CDC16: variants seen among roughly 807,000 people sequenced by gnomAD.
CDC16 encodes the protein cell division cycle protein 16 homolog.
Under a neutral mutation model 87.0 loss-of-function variants are expected in CDC16, and 34 were observed. That is an observed-to-expected ratio of 0.39 (90% CI 0.30 to 0.52). CDC16 has a LOEUF of 0.52. CDC16 is among the 20% of genes least tolerant of loss of function. The pLI is 0.74. For missense variants in CDC16, 653 were observed against 751.9 expected, an observed-to-expected ratio of 0.87 and a Z score of 1.54; for synonymous variants, 263 against 260.6, an observed-to-expected ratio of 1.01 and a Z score of -0.09.
chr13:114,251,593 C>T (rs1239850605), intron 12 of CDC16, among the ~76,000 whole-genome samples: 1 of 152,120 alleles, frequency 6.6e-6, no homozygotes, highest in Admixed American at 6.6e-5. Flanking sequence ...AAATTAGTAC[C>T]CACCTCAGTC....
At chr13:114,259,285 T>C in intron 13 of CDC16, 50 bp from the exon 14 acceptor site, 3 of 1,390,104 alleles carry the variant, frequency 2.2e-6, no homozygotes, top group Non-Finnish European at 2.9e-6. Context: ...TTTTAAAGTT[T>C]ATATTTGCTA....
At chr13:114,257,797 G>T (rs1283305515) in intron 13 of CDC16, among the ~76,000 whole-genome samples, 2 of 151,778 alleles carry the variant, frequency 1.3e-5, no homozygotes, top group Non-Finnish European at 2.9e-5. Context: ...TTTTGTTTTT[G>T]TTTTTTTGAG....
intron 5 of CDC16, among the ~76,000 whole-genome samples, chr13:114,241,113 A>G (rs747870197): frequency 2.6e-5 from 4 of 152,180 alleles, no homozygotes; most frequent in Non-Finnish European, 5.9e-5. Flanking sequence ...TAGAATGTGC[A>G]TCAGATTTCC....
At chr13:114,271,111 C>T (rs769287573) in intron 17 of CDC16, among the ~76,000 whole-genome samples, 18 of 151,536 alleles carry the variant, frequency 1.2e-4, no homozygotes, top group Non-Finnish European at 1.5e-4. Flanking sequence ...TTAGTAGAGA[C>T]GGGGTTTCAC....
At chr13:114,262,801 T>G in intron 15 of CDC16, 78 bp from the exon 16 acceptor site, 4 of 1,441,790 alleles carry the variant, frequency 2.8e-6, no homozygotes, top group Non-Finnish European at 3.9e-6. Context: ...TCTTGGGTGT[T>G]GATATGGATG....
chr13:114,244,055 C>A, intron 8 of CDC16, 66 bp downstream of exon 8: 1 of 1,078,222 alleles, frequency 9.3e-7, no homozygotes, highest in Non-Finnish European at 1.4e-6. Flanking sequence ...AGGTGATTCA[C>A]GGACGTGCTC....
At position 114,245,074 on chromosome 13, in the gene CDC16, AC is replaced by A; in HGVS notation, c.847+106del. On this transcript the variant is annotated intron_variant, in intron 9 of 17. Coordinates refer to ENST00000356221, the MANE Select transcript of CDC16 (RefSeq NM_001078645.3). ...TTCTGGATAGTTGAGATTGCAGGTA[AC>A]AACATAATGGAACCCTACTATAAAA... 3 of 627,364 alleles carry A rather than the reference AC, an allele frequency of 4.8e-6. No individual in the cohort carries two copies. In the South Asian group the frequency reaches 6.3e-5, roughly 13 times the overall value. 38.9% of individuals were successfully genotyped at this position (627,364 alleles called of 1,614,324 possible).
In CDC16 at chr13:114,270,060, A is replaced by T. The variant is rs557546499; in HGVS notation, c.1604-2124A>T. On this transcript the variant is annotated intron_variant, in intron 17 of 17. Transcript: ENST00000356221. The stretch of plus-strand genomic sequence containing the variant: ...ATATGTACTAATTACTTCCATTTAT[A>T]GGAAGATTAGTGTATTAGTTCATTC... Among the ~76,000 whole-genome samples the T allele has an allele frequency of 2.0e-5, 3 of 152,224 alleles. No individual in the cohort carries two copies. The South Asian group carries it at 6.2e-4, about 31-fold the overall frequency.
At chr13:114,237,046 G>GTC in intron 3 of CDC16, 150 bp downstream of exon 3, 1 of 490,380 alleles carries the variant, frequency 2.0e-6, no homozygotes, top group Non-Finnish European at 3.5e-6. Context: ...CCAAGATGGT[G>GTC]AAACCCCATC....
intron 9 of CDC16, 43 bp downstream of exon 9, chr13:114,245,012 C>A: frequency 8.6e-7 from 1 of 1,164,250 alleles, no homozygotes; most frequent in South Asian, 1.4e-5. Flanking sequence ...AGACATAAAA[C>A]AAATCTTTTC....
At chr13:114,257,019 T>G in intron 12 of CDC16, 59 bp from the exon 13 acceptor site, 4 of 1,126,538 alleles carry the variant, frequency 3.6e-6, no homozygotes, top group Non-Finnish European at 5.1e-6. Flanking sequence ...GTTGACAGAT[T>G]AATTTCTGCT....
rs776383385 is a variant in CDC16, at chr13:114,243,241, T to C, written c.542-16T>C. 3.4e-6 allele frequency: 4 copies of C among 1,186,784 alleles called. No homozygotes were observed. Among genetic ancestry groups the C allele is most frequent in the East Asian group, 2.3e-5 (1 of 42,926 alleles). The allele number at this position is 1,186,784 out of a possible 1,614,324, so 73.5% of individuals were successfully genotyped here. ...AATATTATGAGGATATTCTTTTTTT[T>C]CTCACCATTTTTAAGAAAAAGAACT... On this transcript the variant is annotated splice_polypyrimidine_tract_variant and intron_variant, in intron 6 of 17. Transcript: ENST00000356221.
chr13:114,246,647 G>A (rs1484120102), intron 10 of CDC16, among the ~76,000 whole-genome samples: 1 of 152,180 alleles, frequency 6.6e-6, no homozygotes, highest in Admixed American at 6.5e-5. Context: ...GGGTCAGGCT[G>A]GGGGAGATGA....
chr13:114,270,745 G>C (rs1485411399), intron 17 of CDC16, among the ~76,000 whole-genome samples: 1 of 152,122 alleles, frequency 6.6e-6, no homozygotes, highest in East Asian at 1.9e-4. Flanking sequence ...GAGATGCTAG[G>C]TTGAAGCCTC....
intron 10 of CDC16, 94 bp from the exon 11 acceptor site, chr13:114,246,837 T>G: frequency 1.3e-6 from 1 of 783,616 alleles, no homozygotes. Context: ...ATAAGGAACA[T>G]GTAGTATACC....
chr13:114,258,632 C>G (rs1256695858), intron 13 of CDC16, among the ~76,000 whole-genome samples: 1 of 152,084 alleles, frequency 6.6e-6, no homozygotes, highest in Non-Finnish European at 1.5e-5. Flanking sequence ...ATTGATGAAT[C>G]AACAATATGT....
In CDC16 at chr13:114,239,414, G is replaced by T. The variant is rs749424782; in HGVS notation, c.305G>T (p.Arg102Ile). The T allele has an allele frequency of 2.6e-5, 42 of 1,613,316 alleles. No homozygotes were observed. In the East Asian group the frequency reaches 9.1e-4, roughly 35 times the overall value. ...VLDMEEPINKRLFEKYLKDES... is the reference protein window; with the variant it reads ...VLDMEEPINKILFEKYLKDES... ...GACATGGAAGAGCCCATCAATAAAA[G>T]ATTATTTGAAAAATACTTGAAGGAC... Residue 102 changes from arginine (R) to isoleucine (I), a missense_variant, in exon 5 of 18, where the codon AGA becomes ATA. Arg to Ile is a moderately conservative substitution (Grantham distance 97). Coordinates refer to ENST00000356221, the MANE Select transcript of CDC16 (RefSeq NM_001078645.3).
At chr13:114,257,774 A>T (rs971766854) in intron 13 of CDC16, among the ~76,000 whole-genome samples, 1 of 151,914 alleles carries the variant, frequency 6.6e-6, no homozygotes, top group Non-Finnish European at 1.5e-5. Context: ...AATTAGTTTC[A>T]GTTTTTTTTG....
chr13:114,271,427 T>G (rs1250880522), intron 17 of CDC16, among the ~76,000 whole-genome samples: 1 of 152,140 alleles, frequency 6.6e-6, no homozygotes, highest in Non-Finnish European at 1.5e-5. Context: ...TTTTATTTCA[T>G]CGTGGCTTTT....
Sources: allele counts gnomAD v4.1 joint callset (sites outside exome capture counted in the v4.1 genomes callset), GRCh38; gene constraint gnomAD v4.1.1; transcripts MANE v1.5; gene names NCBI Gene and HGNC (gene_info 2026-07-23, HGNC 2026-07-21).